Variants in ADGRB3 observed in about 807,000 individuals in gnomAD.
The protein encoded by ADGRB3 is brain-specific angiogenesis inhibitor 3.
In ADGRB3, 37 loss-of-function variants were observed where a neutral mutation model predicts 193.4. That is an observed-to-expected ratio of 0.19 (90% CI 0.15 to 0.25). ADGRB3 has a LOEUF of 0.25. Among genes scored for constraint, ADGRB3 ranks in the 10% least tolerant of loss-of-function variants. ADGRB3 has a pLI of 1.00. For synonymous variants in ADGRB3, 690 were observed against 644.2 expected, an observed-to-expected ratio of 1.07 and a Z score of -1.08; for missense variants, 1,637 against 1,852.9, an observed-to-expected ratio of 0.88 and a Z score of 2.14.
At chr6:68,667,285 A>G (rs1768825504) in intron 3 of ADGRB3, among the ~76,000 whole-genome samples, 1 of 151,882 alleles carries the variant, frequency 6.6e-6, no homozygotes, top group African/African-American at 2.4e-5. Flanking sequence ...TCATAGTGCA[A>G]TTCAGCTAGA....
At chr6:68,700,534 GTGTTATTTTATT>G (rs1765225931) in intron 3 of ADGRB3, among the ~76,000 whole-genome samples, 1 of 151,896 alleles carries the variant, frequency 6.6e-6, no homozygotes, top group Non-Finnish European at 1.5e-5. Flanking sequence ...AATATAGTCA[GTGTTATTTTATT>G]TGTAATGTGT....
Position 68,811,427 on chromosome 6 carries a change from A to G in ADGRB3, c.758-119132A>G, listed in dbSNP as rs75365317. On this transcript the variant is annotated intron_variant, in intron 3 of 31. Transcript: ENST00000370598. ...TATTTTTATTACTTAACATTGCACT[A>G]TTCTGTCAGGCCAAATTAATGAGGT... Among the ~76,000 whole-genome samples the G allele has an allele frequency of 7.6e-3, 1,161 of 152,278 alleles. 19 individuals are homozygous for G. The highest frequency in any genetic ancestry group is 0.027 in the African/African-American group (1,113 of 41,564).
intron 17 of ADGRB3, among the ~76,000 whole-genome samples, chr6:69,172,105 A>G (rs931948756): frequency 6.6e-6 from 1 of 152,152 alleles, no homozygotes; most frequent in Non-Finnish European, 1.5e-5. Flanking sequence ...ATTGAAGCCT[A>G]TGTTTTTAGA....
At chr6:68,925,339 G>A (rs974068745) in intron 3 of ADGRB3, among the ~76,000 whole-genome samples, 1 of 151,930 alleles carries the variant, frequency 6.6e-6, no homozygotes, top group Non-Finnish European at 1.5e-5. Context: ...CAAAGTCACT[G>A]TGCCACTTCT....
At position 68,861,422 on chromosome 6, in the gene ADGRB3, C is replaced by T. The variant is rs527927219; in HGVS notation, c.758-69137C>T. Among the ~76,000 whole-genome samples the T allele has an allele frequency of 5.8e-4, 88 of 152,076 alleles. 1 individual carries two copies. In the East Asian group the frequency reaches 0.012, roughly 22 times the overall value. On this transcript the variant is annotated intron_variant, in intron 3 of 31. Coordinates refer to ENST00000370598, the MANE Select transcript of ADGRB3 (RefSeq NM_001704.3). The stretch of plus-strand genomic sequence containing the variant: ...TAAAAATACAAAAAAATTAGCCGGG[C>T]GTGGTGGCGGGCACCTGTAGTCCCA...
intron 3 of ADGRB3, among the ~76,000 whole-genome samples, chr6:68,788,132 G>A (rs1009684123): frequency 7.9e-5 from 12 of 152,006 alleles, no homozygotes; most frequent in African/African-American, 2.9e-4. Context: ...TTTTTTGAAG[G>A]GTTTTTTGTG....
chr6:68,723,731 C>A (rs972098849), intron 3 of ADGRB3, among the ~76,000 whole-genome samples: 5 of 151,690 alleles, frequency 3.3e-5, no homozygotes, highest in South Asian at 2.1e-4. Flanking sequence ...TAAAGACATT[C>A]TTTCAATACC....
chr6:69,040,299 T>TTCTG (rs1770991041), intron 13 of ADGRB3, among the ~76,000 whole-genome samples: 2 of 148,618 alleles, frequency 1.3e-5, no homozygotes, highest in Non-Finnish European at 3.0e-5. Context: ...CTTCCTTCCT[T>TTCTG]TCTCTGTCTC....
intron 3 of ADGRB3, among the ~76,000 whole-genome samples, chr6:68,874,811 G>A (rs769307548): frequency 1.3e-5 from 2 of 152,018 alleles, no homozygotes; most frequent in Non-Finnish European, 2.9e-5. Flanking sequence ...GTTCAGTTAA[G>A]CAGTCTATAT....
rs182723289 is a variant in ADGRB3, at chr6:69,228,990, C to G, written c.2481-4300C>G. Among the ~76,000 whole-genome samples the G allele has an allele frequency of 3.3e-5, 5 of 152,136 alleles. No homozygotes were observed. In the East Asian group the frequency reaches 9.7e-4, roughly 29 times the overall value. ...GAAGGACATTTGAAAAAGTAATATC[C>G]CAAGTCCTATCATAGGGTTTAATTT... On this transcript the variant is annotated intron_variant, in intron 17 of 31. Coordinates refer to ENST00000370598, the MANE Select transcript of ADGRB3 (RefSeq NM_001704.3).
intron 3 of ADGRB3, among the ~76,000 whole-genome samples, chr6:68,768,689 A>AG (rs2127354891): frequency 6.6e-6 from 1 of 152,324 alleles, no homozygotes; most frequent in South Asian, 2.1e-4. Flanking sequence ...AAATTGACAA[A>AG]TGGGATCTAA....
intron 16 of ADGRB3, among the ~76,000 whole-genome samples, chr6:69,069,255 T>C (rs957379878): frequency 1.3e-5 from 2 of 152,022 alleles, no homozygotes; most frequent in African/African-American, 4.8e-5. Flanking sequence ...CACTGCCTCA[T>C]CCCCTTGCAT....
At chr6:69,166,666 C>G (rs911942725) in intron 17 of ADGRB3, among the ~76,000 whole-genome samples, 2 of 152,060 alleles carry the variant, frequency 1.3e-5, no homozygotes, top group Middle Eastern at 3.2e-3. Context: ...CAATTTGCCA[C>G]TCACTGTTGT....
At chr6:68,858,610 A>AAC (rs1291625893) in intron 3 of ADGRB3, among the ~76,000 whole-genome samples, 8 of 149,670 alleles carry the variant, frequency 5.3e-5, no homozygotes, top group Non-Finnish European at 1.2e-4. Flanking sequence ...AAAAAAAAAA[A>AAC]ACACAGCATA....
At chr6:69,307,999 G>A (rs1300487179) in intron 20 of ADGRB3, among the ~76,000 whole-genome samples, 1 of 151,560 alleles carries the variant, frequency 6.6e-6, no homozygotes, top group African/African-American at 2.4e-5. Flanking sequence ...GAATATGCCA[G>A]AAAGGCAGCA....
intron 26 of ADGRB3, among the ~76,000 whole-genome samples, chr6:69,353,716 C>A (rs1454960893): frequency 6.6e-6 from 1 of 152,098 alleles, no homozygotes; most frequent in Non-Finnish European, 1.5e-5. Flanking sequence ...TTATGGCAAG[C>A]AATAAATTTC....
intron 3 of ADGRB3, among the ~76,000 whole-genome samples, chr6:68,901,630 T>C (rs1454533850): frequency 2.0e-5 from 3 of 152,198 alleles, no homozygotes; most frequent in East Asian, 1.9e-4. Flanking sequence ...AGTACCAGTG[T>C]ATAATTTTAA....
At chr6:68,780,022 T>A (rs1766823976) in intron 3 of ADGRB3, among the ~76,000 whole-genome samples, 1 of 152,098 alleles carries the variant, frequency 6.6e-6, no homozygotes, top group Admixed American at 6.6e-5. Context: ...TACATATATT[T>A]GTTCCCATCT....
intron 3 of ADGRB3, among the ~76,000 whole-genome samples, chr6:68,716,168 G>A (rs970982167): frequency 6.6e-6 from 1 of 151,668 alleles, no homozygotes; most frequent in African/African-American, 2.4e-5. Flanking sequence ...AAAATCTGTA[G>A]TTTCTTCAGT....
Sources: allele counts gnomAD v4.1 joint callset (sites outside exome capture counted in the v4.1 genomes callset), GRCh38; gene constraint gnomAD v4.1.1; transcripts MANE v1.5; gene names NCBI Gene and HGNC (gene_info 2026-07-23, HGNC 2026-07-21).